FAM193B: variants seen among roughly 807,000 people sequenced by gnomAD.
The protein encoded by FAM193B is protein FAM193B.
FAM193B carries 27 observed loss-of-function variants against 70.7 expected under a neutral mutation model. That is an observed-to-expected ratio of 0.38 (90% CI 0.28 to 0.53). FAM193B has a LOEUF of 0.53. Among genes scored for constraint, FAM193B ranks in the 20% least tolerant of loss-of-function variants. The pLI is 0.81. For synonymous variants in FAM193B, 448 were observed against 436.0 expected, an observed-to-expected ratio of 1.03 and a Z score of -0.34; for missense variants, 1,022 against 1,072.5, an observed-to-expected ratio of 0.95 and a Z score of 0.66.
intron 1 of FAM193B, chr5:177,553,678 C>T: frequency 3.9e-6 from 5 of 1,287,088 alleles, no homozygotes; most frequent in Non-Finnish European, 5.1e-6. Flanking sequence ...TGGGTTTCCA[C>T]CTCAGTGCAG....
In FAM193B at chr5:177,532,195, T is replaced by C. The variant is rs191090692; in HGVS notation, c.1275+248A>G. The C allele has an allele frequency of 1.3e-6, 2 of 1,493,934 alleles. No individual in the cohort carries two copies. Among genetic ancestry groups the C allele is most frequent in the East Asian group, 2.6e-5 (1 of 37,994 alleles). The allele number at this position is 1,493,934 out of a possible 1,614,324, so 92.5% of individuals were successfully genotyped here. A position where few individuals can be genotyped will look rare whatever the true frequency, so the allele number is the denominator to read the frequency against. ...GCTTTCTCTCTGCCATTTCCTTTCC[T>C]TTTGCCTAAGGAAAAAAAGTCAATC... On this transcript the variant is annotated intron_variant, in intron 5 of 8. Coordinates refer to ENST00000514747, the MANE Select transcript of FAM193B (RefSeq NM_001190946.3). The surrounding 1 kb of genome is among the most constrained non-coding windows in gnomAD (Gnocchi z 4.9).
At chr5:177,545,388 T>C (rs1765289642) in intron 1 of FAM193B, among the ~76,000 whole-genome samples, 2 of 152,232 alleles carry the variant, frequency 1.3e-5, no homozygotes, top group Non-Finnish European at 2.9e-5. Context: ...CATTAAAAAT[T>C]GTTATGTTAA....
chr5:177,536,556 C>T lies in FAM193B; in HGVS notation c.878G>A (p.Cys293Tyr). The T allele has an allele frequency of 6.5e-7, 1 of 1,537,134 alleles. No homozygotes were observed. Among genetic ancestry groups the T allele is most frequent in the South Asian group, 1.3e-5 (1 of 79,408 alleles). ...AAPFPAQASE[C>Y]PVAAATAPHT... ...GGGGGCAGTGGCAGCAGCAACAGGG[C>T]ACTCTGAAGCCTGGGCAGGGAAAGG... Residue 293 changes from cysteine to tyrosine, a missense_variant, in exon 4 of 9, where the codon TGC (cysteine) becomes TAC (tyrosine). By Grantham distance (194) the Cys-to-Tyr change is radical. Transcript: ENST00000514747.
Position 177,534,875 on chromosome 5 carries a change from C to T in FAM193B, c.1076+1483G>A, listed in dbSNP as rs548025886. On this transcript the variant is annotated intron_variant, in intron 4 of 8. Transcript: ENST00000514747. ...TCAAGCAATCTTTCTGCCTCGGCCT[C>T]CCAAAGGGCTGGGATTATAGGCATG... Among the ~76,000 whole-genome samples, 8 of 152,318 alleles carry T rather than the reference C, an allele frequency of 5.3e-5. No individual in the cohort carries two copies. The East Asian group carries it at 1.3e-3, about 26-fold the overall frequency.
rs1033339577 is a variant in FAM193B, at chr5:177,536,392, G to A, written c.1042C>T (p.Pro348Ser). Reference sequence around the variant, plus strand: ...CTAGGGAGTGGCTGAGAGCTCGGGGGTGGGAGGAGAGGCCCACTGCAGTGC... The same window carrying A: ...CTAGGGAGTGGCTGAGAGCTCGGGGATGGGAGGAGAGGCCCACTGCAGTGC... ...GGHCSGPLLP[P>S]PSSQPLPSTH... The change falls in exon 4 of 9, where the codon CCC (proline) becomes TCC (serine). Residue 348 changes from proline to serine, a missense_variant. Coordinates refer to ENST00000514747, the MANE Select transcript of FAM193B (RefSeq NM_001190946.3). 6 of 1,609,534 alleles carry A rather than the reference G, an allele frequency of 3.7e-6. No individual in the cohort carries two copies. The highest frequency in any genetic ancestry group is 5.1e-6 in the Non-Finnish European group (6 of 1,178,886).
intron 4 of FAM193B, among the ~76,000 whole-genome samples, chr5:177,533,737 A>G (rs1482117826): frequency 6.6e-6 from 1 of 152,202 alleles, no homozygotes; most frequent in African/African-American, 2.4e-5. Context: ...CAAGGATGCA[A>G]ACAGACAGTG....
At chr5:177,529,865 T>C (rs1416727719) in intron 5 of FAM193B, among the ~76,000 whole-genome samples, 2 of 152,138 alleles carry the variant, frequency 1.3e-5, no homozygotes, top group Non-Finnish European at 1.5e-5. Context: ...GGTGACTGCA[T>C]GGGAGAAAGA....
At position 177,532,069 on chromosome 5, in the gene FAM193B, C is replaced by T. The variant is rs563963293; in HGVS notation, c.1275+374G>A. 2 of 1,296,540 alleles carry T rather than the reference C, an allele frequency of 1.5e-6. No individual in the cohort carries two copies. The highest frequency in any genetic ancestry group is 3.0e-5 in the African/African-American group (2 of 66,330). 80.3% of individuals were successfully genotyped at this position (1,296,540 alleles called of 1,614,324 possible). On this transcript the variant is annotated intron_variant, in intron 5 of 8. Transcript: ENST00000514747. The surrounding 1 kb of genome is among the most constrained non-coding windows in gnomAD (Gnocchi z 4.9). ...GCCTGTCCCTCGGCTGGCTGTCACACTTGGGGGACTGAGAGCCTTTTTGCT... is the reference window on the plus strand; with the variant it reads ...GCCTGTCCCTCGGCTGGCTGTCACATTTGGGGGACTGAGAGCCTTTTTGCT...
intron 1 of FAM193B, among the ~76,000 whole-genome samples, chr5:177,549,097 A>G (rs951615412): frequency 1.3e-5 from 2 of 152,000 alleles, no homozygotes; most frequent in Non-Finnish European, 2.9e-5. Context: ...CTGACACCAA[A>G]TATCTACAAT....
chr5:177,539,708 T>C (rs1764618330), intron 1 of FAM193B, among the ~76,000 whole-genome samples: 1 of 152,222 alleles, frequency 6.6e-6, no homozygotes, highest in Non-Finnish European at 1.5e-5. Flanking sequence ...TGGGAAATTG[T>C]GTCAGAGGGA....
chr5:177,531,989 A>G (rs954353703), intron 5 of FAM193B: 1 of 1,290,106 alleles, frequency 7.8e-7, no homozygotes, highest in African/African-American at 1.5e-5. Context: ...CCCCCTGGCC[A>G]GAGCCAGCAT....
intron 7 of FAM193B, 113 bp downstream of exon 7, chr5:177,523,844 G>A: frequency 8.3e-7 from 1 of 1,209,310 alleles, no homozygotes; most frequent in Non-Finnish European, 1.2e-6. Context: ...CCTCCCCAAG[G>A]GGTCAGGGCC....
At chr5:177,521,878 C>A in intron 8 of FAM193B, 96 bp downstream of exon 8, 2 of 936,890 alleles carry the variant, frequency 2.1e-6, no homozygotes, top group East Asian at 2.5e-5. Flanking sequence ...AGTCCAACTC[C>A]CTGTGCCCCA....
chr5:177,533,111 C>G (rs1302867967), intron 4 of FAM193B, among the ~76,000 whole-genome samples: 1 of 152,162 alleles, frequency 6.6e-6, no homozygotes, highest in Non-Finnish European at 1.5e-5. Context: ...GGGCTGAAGG[C>G]TCCTCTGGAA....
intron 1 of FAM193B, among the ~76,000 whole-genome samples, chr5:177,545,549 T>C (rs1446938940): frequency 1.3e-5 from 2 of 151,586 alleles, no homozygotes; most frequent in African/African-American, 4.9e-5. Flanking sequence ...TTTAGGAATA[T>C]ATAAGGTCTC....
intron 1 of FAM193B, among the ~76,000 whole-genome samples, chr5:177,551,687 T>C (rs1766266702): frequency 6.6e-6 from 1 of 152,236 alleles, no homozygotes; most frequent in South Asian, 2.1e-4. Context: ...AAACAATATG[T>C]GAGCTGGGGC....
At chr5:177,523,366 T>TG (rs1218028913) in intron 7 of FAM193B, 1 of 240,458 alleles carries the variant, frequency 4.2e-6, no homozygotes, top group East Asian at 1.2e-4. Context: ...TGTTTTGTTT[T>TG]TTTTCCTGAA....
intron 1 of FAM193B, among the ~76,000 whole-genome samples, chr5:177,549,238 G>T (rs1306596282): frequency 3.6e-5 from 5 of 138,722 alleles, no homozygotes; most frequent in Non-Finnish European, 3.0e-5. Flanking sequence ...TGTCGCCCAG[G>T]CTGGAGTGCA....
chr5:177,525,305 G>T, intron 5 of FAM193B, 100 bp from the exon 6 acceptor site: 1 of 1,229,166 alleles, frequency 8.1e-7, no homozygotes, highest in Non-Finnish European at 1.1e-6. Context: ...CCACTAACTT[G>T]CTGGAAGCAA....
Sources: gnomAD v4.1 joint callset for allele counts (sites outside exome capture counted in the v4.1 genomes callset) on GRCh38, gnomAD v4.1.1 for gene constraint, Gnocchi (gnomAD v3.1) non-coding constraint, MANE v1.5 for transcripts, NCBI Gene and HGNC (gene_info 2026-07-23, HGNC 2026-07-21) for gene names.